Variants in PDSS2 observed in about 807,000 individuals in gnomAD.
The protein encoded by PDSS2 is decaprenyl diphosphate synthase subunit 2, also known as all trans-polyprenyl-diphosphate synthase PDSS2.
A neutral mutation model predicts 44.5 loss-of-function variants in PDSS2; 31 were observed. The observed-to-expected ratio is 0.70, with a 90% CI of 0.52 to 0.94. The LOEUF (loss-of-function observed/expected upper bound fraction) is 0.94, where lower values mean the gene tolerates loss of function less well. PDSS2 is among the 40% of genes least tolerant of loss of function. PDSS2 has a pLI of 0.00. For synonymous variants in PDSS2, 157 were observed against 180.3 expected (o/e 0.87, Z 1.03); for missense variants, 452 against 482.2 (o/e 0.94, Z 0.59).
At chr6:107,353,904 C>A (rs1235042543) in intron 1 of PDSS2, among the ~76,000 whole-genome samples, 1 of 152,134 alleles carries the variant, frequency 6.6e-6, no homozygotes, top group African/African-American at 2.4e-5. Flanking sequence ...AGCAAACACT[C>A]AGTAGTTTTG....
chr6:107,272,087 A>G (rs1360308015), intron 3 of PDSS2, among the ~76,000 whole-genome samples: 1 of 149,512 alleles, frequency 6.7e-6, no homozygotes, highest in Non-Finnish European at 1.5e-5. Flanking sequence ...AAAGAAACAA[A>G]AAAAAAAAAA....
At position 107,436,411 on chromosome 6, in the gene PDSS2, T is replaced by C. The variant is rs73762219; in HGVS notation, c.296+22579A>G. 1.1e-3 allele frequency among the ~76,000 whole-genome samples: 171 copies of C among 152,298 alleles called. 2 individuals are homozygous for C. The highest frequency in any genetic ancestry group is 3.7e-3 in the African/African-American group (153 of 41,566). On this transcript the variant is annotated intron_variant, in intron 1 of 7. Transcript: ENST00000369037. ...CCTATAACCAATGTATCCTCATTCATTGGGCTCAAAATGAAGAACACAGAC... is the reference window on the plus strand; with the variant it reads ...CCTATAACCAATGTATCCTCATTCACTGGGCTCAAAATGAAGAACACAGAC...
chr6:107,323,253 C>A (rs1304625251), intron 2 of PDSS2, among the ~76,000 whole-genome samples: 2 of 152,190 alleles, frequency 1.3e-5, no homozygotes, highest in Non-Finnish European at 2.9e-5. Context: ...CAGGAAGACT[C>A]TAGATGCATA....
At position 107,193,872 on chromosome 6, in the gene PDSS2, A is replaced by C; in HGVS notation, c.1009-18T>G. ...TCTTGAGCCTACAAAAGAAGAGGGG[A>C]AAATTAATTTGTTACTTCTCTAAAA... On this transcript the variant is annotated intron_variant, in intron 6 of 7. Transcript: ENST00000369037. 1 of 1,550,318 alleles carries C rather than the reference A, an allele frequency of 6.5e-7. No individual in the cohort carries two copies. Among genetic ancestry groups the C allele is most frequent in the East Asian group, 2.2e-5 (1 of 44,468 alleles).
chr6:107,372,545 G>A (rs1158276870), intron 1 of PDSS2, among the ~76,000 whole-genome samples: 6 of 152,068 alleles, frequency 3.9e-5, no homozygotes, highest in East Asian at 1.9e-4. Context: ...TCCGCCTCCC[G>A]GGTTCATGCC....
At chr6:107,436,049 CA>C (rs1260146730) in intron 1 of PDSS2, among the ~76,000 whole-genome samples, 1 of 152,090 alleles carries the variant, frequency 6.6e-6, no homozygotes, top group Non-Finnish European at 1.5e-5. Flanking sequence ...TTAGAACTTC[CA>C]AAAAATATTA....
chr6:107,184,895 T>A (rs768424512), intron 7 of PDSS2, among the ~76,000 whole-genome samples: 4 of 151,558 alleles, frequency 2.6e-5, no homozygotes, highest in Non-Finnish European at 4.4e-5. Flanking sequence ...AGAATGATCC[T>A]CATAAGAGGA....
chr6:107,426,547 G>T (rs1423915238), intron 1 of PDSS2, among the ~76,000 whole-genome samples: 3 of 152,168 alleles, frequency 2.0e-5, no homozygotes, highest in African/African-American at 7.2e-5. Flanking sequence ...CCAGACCCCA[G>T]AACGGTAGAT....
chr6:107,331,423 T>A (rs1379134341), intron 2 of PDSS2, among the ~76,000 whole-genome samples: 1 of 152,178 alleles, frequency 6.6e-6, no homozygotes, highest in Non-Finnish European at 1.5e-5. Flanking sequence ...CCATTTATGT[T>A]ATTTGGAAAG....
intron 2 of PDSS2, among the ~76,000 whole-genome samples, chr6:107,282,915 G>A (rs1163687434): frequency 6.6e-6 from 1 of 150,412 alleles, no homozygotes; most frequent in East Asian, 2.0e-4. Flanking sequence ...TAGAGACAGG[G>A]GTCTCCCTAT....
chr6:107,348,140 T>G (rs917335339), intron 1 of PDSS2, among the ~76,000 whole-genome samples: 6 of 152,202 alleles, frequency 3.9e-5, no homozygotes, highest in Admixed American at 1.3e-4. Flanking sequence ...TGACTTTTTT[T>G]GGGGTTAAGG....
chr6:107,158,676 G>A (rs1269418944), intron 7 of PDSS2, among the ~76,000 whole-genome samples: 6 of 152,106 alleles, frequency 3.9e-5, no homozygotes, highest in African/African-American at 7.2e-5. Context: ...GAAGCAGCCA[G>A]ATTCAAACTC....
chr6:107,456,997 CAT>C (rs1340107915), intron 1 of PDSS2, among the ~76,000 whole-genome samples: 1 of 151,886 alleles, frequency 6.6e-6, no homozygotes, highest in Non-Finnish European at 1.5e-5. Flanking sequence ...AAGCTTTAAA[CAT>C]ATGTGTATGT....
Position 107,459,445 on chromosome 6 carries a change from A to T in PDSS2, c.-160T>A, listed in dbSNP as rs781444295. The stretch of plus-strand genomic sequence containing the variant: ...GGAGCAGTGACCAGAAACGAACTTT[A>T]ACTGCTGCTTTCTGCAGCCCAGGCT... On this transcript the variant is annotated 5_prime_UTR_variant, in exon 1 of 8. Transcript: ENST00000369037. This position sits in a 1 kb window ranked among gnomAD's most constrained non-coding sequence, Gnocchi z 4.3. The T allele has an allele frequency of 1.1e-5, 7 of 636,058 alleles. No homozygotes were observed. Among genetic ancestry groups the T allele is most frequent in the Non-Finnish European group, 1.9e-5 (7 of 361,536 alleles). 39.4% of individuals were successfully genotyped at this position (636,058 alleles called of 1,614,324 possible). A position where few individuals can be genotyped will look rare whatever the true frequency, so the allele number is the denominator to read the frequency against.
At chr6:107,195,518 T>G (rs1170985109) in intron 6 of PDSS2, among the ~76,000 whole-genome samples, 1 of 150,610 alleles carries the variant, frequency 6.6e-6, no homozygotes, top group Non-Finnish European at 1.5e-5. Flanking sequence ...TGACCCTTCT[T>G]GCTGCTTTAG....
At chr6:107,267,014 T>A (rs912441403) in intron 3 of PDSS2, among the ~76,000 whole-genome samples, 1 of 152,242 alleles carries the variant, frequency 6.6e-6, no homozygotes, top group Non-Finnish European at 1.5e-5. Flanking sequence ...AAGTGATTAT[T>A]TGTTTGTATC....
intron 1 of PDSS2, among the ~76,000 whole-genome samples, chr6:107,340,162 T>C (rs908586270): frequency 2.0e-5 from 3 of 152,144 alleles, no homozygotes. Flanking sequence ...TTAGCTAATA[T>C]AGGCATATCA....
chr6:107,233,141 T>C (rs1008632475), intron 4 of PDSS2, among the ~76,000 whole-genome samples: 9 of 152,224 alleles, frequency 5.9e-5, no homozygotes, highest in Admixed American at 4.6e-4. Flanking sequence ...GATTCATTTC[T>C]ACTGTATCTT....
chr6:107,273,971 A>C (rs2114942561), intron 3 of PDSS2, 58 bp downstream of exon 3: 3 of 1,353,856 alleles, frequency 2.2e-6, no homozygotes, highest in Non-Finnish European at 3.2e-6. Context: ...CAGCTCCAGC[A>C]GCCAACTAAT....
Sources: allele counts gnomAD v4.1 joint callset (sites outside exome capture counted in the v4.1 genomes callset), GRCh38; gene constraint gnomAD v4.1.1; non-coding constraint Gnocchi (gnomAD v3.1); transcripts MANE v1.5; gene names NCBI Gene and HGNC (gene_info 2026-07-23, HGNC 2026-07-21).